SGMS1: variants seen among roughly 807,000 people sequenced by gnomAD.
SGMS1 encodes the protein phosphatidylcholine:ceramide cholinephosphotransferase 1.
In SGMS1, 13 loss-of-function variants were observed where a neutral mutation model predicts 46.2. That is an observed-to-expected ratio of 0.28 (90% CI 0.18 to 0.45). The LOEUF is 0.45. SGMS1 is among the 20% of genes least tolerant of loss of function. The pLI, the probability that SGMS1 is intolerant of heterozygous loss-of-function variation, is 1.00. For synonymous variants in SGMS1, 203 were observed against 187.8 expected, an observed-to-expected ratio of 1.08 and a Z score of -0.66; for missense variants, 324 against 519.9, an observed-to-expected ratio of 0.62 and a Z score of 3.66.
chr10:50,520,725 AAT>A (rs1200020096), intron 2 of SGMS1, among the ~76,000 whole-genome samples: 4 of 152,330 alleles, frequency 2.6e-5, no homozygotes, highest in African/African-American at 9.6e-5. Flanking sequence ...ACAGAGATAG[AAT>A]GGCTTTGCAT....
intron 5 of SGMS1, among the ~76,000 whole-genome samples, chr10:50,442,468 T>G (rs1849558585): frequency 6.6e-6 from 1 of 152,166 alleles, no homozygotes; most frequent in African/African-American, 2.4e-5. Flanking sequence ...ATTAGTTTGC[T>G]AAGAATAACG....
At chr10:50,471,953 A>G (rs1837382433) in intron 3 of SGMS1, among the ~76,000 whole-genome samples, 1 of 152,212 alleles carries the variant, frequency 6.6e-6, no homozygotes, top group African/African-American at 2.4e-5. Flanking sequence ...CTCAGTACAT[A>G]AGACAGACAT....
intron 2 of SGMS1, among the ~76,000 whole-genome samples, chr10:50,587,756 A>G (rs1838501355): frequency 1.3e-5 from 2 of 151,880 alleles, no homozygotes; most frequent in South Asian, 4.2e-4. Flanking sequence ...AGACAAAATT[A>G]TACTTGGATT....
chr10:50,450,750 C>T (rs1470583178), intron 5 of SGMS1, among the ~76,000 whole-genome samples: 3 of 151,820 alleles, frequency 2.0e-5, no homozygotes, highest in Non-Finnish European at 4.4e-5. Flanking sequence ...AAGACTTATC[C>T]ACATCAAGAA....
At chr10:50,520,129 C>T (rs972388019) in intron 2 of SGMS1, among the ~76,000 whole-genome samples, 4 of 152,120 alleles carry the variant, frequency 2.6e-5, no homozygotes, top group Admixed American at 6.5e-5. Context: ...GTGGCTCACA[C>T]CTGTAATCTC....
At chr10:50,617,252 T>C (rs1282767368) in intron 1 of SGMS1, among the ~76,000 whole-genome samples, 1 of 152,268 alleles carries the variant, frequency 6.6e-6, no homozygotes, top group African/African-American at 2.4e-5. Context: ...TTTTATGTTA[T>C]GTGTATTTTA....
chr10:50,480,484 G>T (rs1334507693), intron 3 of SGMS1, among the ~76,000 whole-genome samples: 2 of 152,064 alleles, frequency 1.3e-5, no homozygotes, highest in African/African-American at 4.8e-5. Context: ...GTGTACCATG[G>T]AGAGTGAGGA....
At chr10:50,341,689 T>TCCCAGGCTGCCTG (rs6143896) in intron 7 of SGMS1, among the ~76,000 whole-genome samples, 94,963 of 151,786 alleles carry the variant, frequency 0.63, 31,086 homozygotes, top group East Asian at 0.86. Flanking sequence ...ACCTGAGGCC[T>TCCCAGGCTGCCTG]CATTCCAGCA....
chr10:50,413,081 T>C (rs1231645861), intron 6 of SGMS1, among the ~76,000 whole-genome samples: 5 of 152,192 alleles, frequency 3.3e-5, no homozygotes, highest in African/African-American at 7.2e-5. Context: ...TCAATTCTAT[T>C]AACCTGGAAA....
At chr10:50,572,341 G>A (rs186229956) in intron 2 of SGMS1, among the ~76,000 whole-genome samples, 2 of 152,306 alleles carry the variant, frequency 1.3e-5, no homozygotes, top group East Asian at 1.9e-4. Flanking sequence ...GGGTGGTAAC[G>A]AGGTAAATCT....
intron 6 of SGMS1, among the ~76,000 whole-genome samples, chr10:50,370,905 C>T (rs375397178): frequency 8.2e-4 from 125 of 152,078 alleles, no homozygotes; most frequent in African/African-American, 2.9e-3. Context: ...TGATGCCTTC[C>T]GGAATTCCTC....
Position 50,512,509 on chromosome 10 carries a change from G to A in SGMS1, c.-498+7322C>T, listed in dbSNP as rs1334471604. On this transcript the variant is annotated intron_variant, in intron 3 of 10. Transcript: ENST00000361781. ...ATCAAGGACGTCAACTCACATACCA[G>A]TTCCAAAACCCTCTGGAGTCCCTCT... Among the ~76,000 whole-genome samples the A allele has an allele frequency of 2.0e-5, 3 of 152,156 alleles. No individual in the cohort carries two copies. In the East Asian group the frequency reaches 5.8e-4, roughly 29 times the overall value.
At chr10:50,492,296 T>C (rs887617487) in intron 3 of SGMS1, among the ~76,000 whole-genome samples, 15 of 152,146 alleles carry the variant, frequency 9.9e-5, no homozygotes, top group Non-Finnish European at 1.9e-4. Context: ...CTATTCAACA[T>C]AGTATTGGAA....
At chr10:50,329,742 G>C (rs541517611) in intron 7 of SGMS1, among the ~76,000 whole-genome samples, 1 of 152,320 alleles carries the variant, frequency 6.6e-6, no homozygotes, top group African/African-American at 2.4e-5. Context: ...AAGATGTACA[G>C]TACAATTTTC....
intron 2 of SGMS1, among the ~76,000 whole-genome samples, chr10:50,520,414 A>G (rs1441230593): frequency 6.6e-6 from 1 of 152,180 alleles, no homozygotes; most frequent in African/African-American, 2.4e-5. Context: ...TATTAACAGT[A>G]ACTTAATATT....
At chr10:50,321,571 G>A (rs192549995) in intron 8 of SGMS1, among the ~76,000 whole-genome samples, 10 of 152,236 alleles carry the variant, frequency 6.6e-5, no homozygotes, top group South Asian at 2.1e-4. Flanking sequence ...GAGAACAAAC[G>A]AAAAGGAAAA....
chr10:50,526,018 G>A (rs541507879), intron 2 of SGMS1, among the ~76,000 whole-genome samples: 14 of 152,252 alleles, frequency 9.2e-5, no homozygotes, highest in South Asian at 2.1e-4. Flanking sequence ...TGAGTGCTTC[G>A]CTACAGGCCA....
chr10:50,389,280 T>G (rs1848731111), intron 6 of SGMS1, among the ~76,000 whole-genome samples: 1 of 152,222 alleles, frequency 6.6e-6, no homozygotes, highest in African/African-American at 2.4e-5. Context: ...TAAAACTACA[T>G]GTAAATTTTG....
chr10:50,358,001 T>C (rs1363770752), intron 6 of SGMS1, among the ~76,000 whole-genome samples: 4 of 152,158 alleles, frequency 2.6e-5, no homozygotes, highest in Non-Finnish European at 5.9e-5. Context: ...CAAAAGCACC[T>C]GGACATGGTG....
Sources: allele counts gnomAD v4.1 joint callset (sites outside exome capture counted in the v4.1 genomes callset), GRCh38; gene constraint gnomAD v4.1.1; transcripts MANE v1.5; gene names NCBI Gene and HGNC (gene_info 2026-07-23, HGNC 2026-07-21).